PTGR2: variants seen among roughly 807,000 people sequenced by gnomAD.
PTGR2 encodes the protein prostaglandin reductase 2.
A neutral mutation model predicts 43.4 loss-of-function variants in PTGR2; 32 were observed. That is an observed-to-expected ratio of 0.74 (90% CI 0.56 to 0.99). PTGR2 has a LOEUF of 0.99. Among genes scored for constraint, PTGR2 ranks in the 50% least tolerant of loss-of-function variants. The pLI is 0.00. For missense variants in PTGR2, 373 were observed against 420.0 expected (o/e 0.89, Z 0.98); for synonymous variants, 106 against 139.2 (o/e 0.76, Z 1.68).
intron 2 of PTGR2, among the ~76,000 whole-genome samples, chr14:73,859,765 C>A (rs2054442632): frequency 6.9e-6 from 1 of 144,304 alleles, no homozygotes; most frequent in Admixed American, 7.1e-5. Context: ...TCCTGGGTGA[C>A]AGAGTAAGAC....
rs1375150610 is a variant in PTGR2 at position 73,884,819 on chromosome 14, T to C, written c.*642T>C. ...GATAAATAACTTAGGTTGGTTAAGT[T>C]GACAAGATTTACTCCAGAGGATCAT... is the stretch of plus-strand genomic sequence containing the variant. On this transcript the variant is annotated 3_prime_UTR_variant, in exon 10 of 10. Transcript: ENST00000555661. The C allele has an allele frequency of 6.6e-6, 1 of 152,144 alleles. No homozygotes were observed. The highest frequency in any genetic ancestry group is 1.5e-5 in the Non-Finnish European group (1 of 68,032). 9.4% of individuals were successfully genotyped at this position (152,144 alleles called of 1,614,324 possible). A position where few individuals can be genotyped will look rare whatever the true frequency, so the allele number is the denominator to read the frequency against.
At chr14:73,856,397 C>T (rs887380596) in intron 1 of PTGR2, among the ~76,000 whole-genome samples, 2 of 144,822 alleles carry the variant, frequency 1.4e-5, no homozygotes, top group Non-Finnish European at 1.5e-5. Context: ...AGGCATGGGC[C>T]ACCTGCCCAC....
At chr14:73,864,064 A>G (rs942616980) in intron 3 of PTGR2, among the ~76,000 whole-genome samples, 1 of 152,222 alleles carries the variant, frequency 6.6e-6, no homozygotes, top group East Asian at 1.9e-4. Context: ...GGCATAATAT[A>G]TGACCTTTTG....
chr14:73,852,294 G>C (rs1378663050), intron 1 of PTGR2, among the ~76,000 whole-genome samples: 2 of 151,936 alleles, frequency 1.3e-5, no homozygotes, highest in African/African-American at 4.8e-5. Flanking sequence ...GTCTCGCTCT[G>C]TCTGTCGCCC....
chr14:73,859,038 C>T, intron 2 of PTGR2, 139 bp downstream of exon 2: 2 of 564,450 alleles, frequency 3.5e-6, no homozygotes, highest in East Asian at 3.1e-5. Context: ...AGAAGAAACT[C>T]TTTAAACGAT....
At chr14:73,881,983 A>T (rs1755362432) in intron 8 of PTGR2, among the ~76,000 whole-genome samples, 1 of 151,894 alleles carries the variant, frequency 6.6e-6, no homozygotes, top group African/African-American at 2.4e-5. Flanking sequence ...GGGTTTCACC[A>T]TGTTGGCCAG....
chr14:73,881,143 TG>T (rs2054977808), intron 7 of PTGR2, 61 bp from the exon 8 acceptor site: 1 of 990,536 alleles, frequency 1.0e-6, no homozygotes, highest in Non-Finnish European at 1.6e-6. Context: ...TGGAATGGTT[TG>T]ATCTTGGAAT....
At chr14:73,874,425 C>G (rs34810851) in intron 4 of PTGR2, among the ~76,000 whole-genome samples, 17,206 of 152,078 alleles carry the variant, frequency 0.11, 1,271 homozygotes, top group Admixed American at 0.19. Flanking sequence ...ATAATTGAGC[C>G]TGCTAAAATA....
intron 3 of PTGR2, among the ~76,000 whole-genome samples, chr14:73,867,103 A>C (rs1014492502): frequency 8.6e-5 from 12 of 139,558 alleles, no homozygotes; most frequent in African/African-American, 2.5e-4. Context: ...AAAAAAAAAA[A>C]AAAAACAAAA....
intron 3 of PTGR2, among the ~76,000 whole-genome samples, chr14:73,871,677 C>T (rs1180233349): frequency 6.6e-6 from 1 of 152,010 alleles, no homozygotes; most frequent in Non-Finnish European, 1.5e-5. Flanking sequence ...GATAGTGTCA[C>T]AGTTGAACTG....
chr14:73,860,487 G>C (rs2054462237), intron 2 of PTGR2, 52 bp from the exon 3 acceptor site: 2 of 820,206 alleles, frequency 2.4e-6, no homozygotes, highest in Admixed American at 4.3e-5. Flanking sequence ...AATAATAATA[G>C]TATATAGCAA....
intron 1 of PTGR2, among the ~76,000 whole-genome samples, chr14:73,857,092 C>T (rs550507998): frequency 4.6e-5 from 7 of 151,584 alleles, no homozygotes; most frequent in East Asian, 3.9e-4. Context: ...AGCAACATAG[C>T]GAGACCTCAT....
At chr14:73,884,057 A>G (rs1263921764) in intron 9 of PTGR2, 44 bp from the exon 10 acceptor site, 1 of 1,154,438 alleles carries the variant, frequency 8.7e-7, no homozygotes, top group East Asian at 2.4e-5. Flanking sequence ...CAAGTATGAT[A>G]GTGACATTTA....
intron 1 of PTGR2, among the ~76,000 whole-genome samples, chr14:73,857,703 C>G (rs1203096240): frequency 4.1e-5 from 4 of 97,958 alleles, no homozygotes; most frequent in East Asian, 7.6e-4. Context: ...GAATCTCGCT[C>G]TGTTGCCCAG....
At chr14:73,852,779 C>T (rs890077595) in intron 1 of PTGR2, among the ~76,000 whole-genome samples, 2 of 151,984 alleles carry the variant, frequency 1.3e-5, no homozygotes, top group East Asian at 1.9e-4. Flanking sequence ...ACCAGAAAAC[C>T]GGAAGGGGAG....
intron 1 of PTGR2, among the ~76,000 whole-genome samples, chr14:73,852,364 C>T (rs762066889): frequency 2.0e-5 from 3 of 152,066 alleles, no homozygotes; most frequent in East Asian, 3.9e-4. Flanking sequence ...CGGGTTCAAG[C>T]GATTCTCCTG....
intron 3 of PTGR2, among the ~76,000 whole-genome samples, chr14:73,863,545 G>GTTAT (rs948792337): frequency 2.7e-5 from 4 of 150,874 alleles, no homozygotes; most frequent in African/African-American, 9.7e-5. Context: ...AGAATAAACT[G>GTTAT]TTATTTATTT....
rs148485964 is a variant in PTGR2, at chr14:73,873,710, C to T, written c.157-313C>T. 1.4e-4 allele frequency among the ~76,000 whole-genome samples: 21 copies of T among 152,112 alleles called. No individual in the cohort carries two copies. The East Asian group carries it at 3.5e-3, about 25-fold the overall frequency. ...AACTCCTGACCTCAAGTGATCTGCC[C>T]GCCTCAGCCTCCCAAAGTGCTAGGA... is the stretch of plus-strand genomic sequence containing the variant. On this transcript the variant is annotated intron_variant, in intron 3 of 9. Transcript: ENST00000555661.
At chr14:73,860,986 G>A (rs890575786) in intron 3 of PTGR2, 1 of 160,800 alleles carries the variant, frequency 6.2e-6, no homozygotes, top group Non-Finnish European at 1.3e-5. Flanking sequence ...AAATAAGATT[G>A]CAAATTCTTT....
Sources: gnomAD v4.1 joint callset for allele counts (sites outside exome capture counted in the v4.1 genomes callset) on GRCh38, gnomAD v4.1.1 for gene constraint, MANE v1.5 for transcripts, NCBI Gene and HGNC (gene_info 2026-07-23, HGNC 2026-07-21) for gene names.